The following RPS6KC1 variants were observed in gnomAD, a reference collection of about 807,000 sequenced individuals.
RPS6KC1 encodes ribosomal protein S6 kinase C1.
RPS6KC1 carries 54 observed loss-of-function variants against 103.8 expected under a neutral mutation model. The observed-to-expected ratio is 0.52, with a 90% CI of 0.42 to 0.65. The LOEUF (loss-of-function observed/expected upper bound fraction) is 0.65, where lower values mean the gene tolerates loss of function less well. Ranked by LOEUF, RPS6KC1 falls within the 30% of genes least tolerant of loss-of-function variation. The pLI is 0.00. For missense variants in RPS6KC1, 1,151 were observed against 1,253.8 expected (o/e 0.92, Z 1.24); for synonymous variants, 439 against 438.7 (o/e 1.00, Z -0.01).
intron 12 of RPS6KC1, among the ~76,000 whole-genome samples, chr1:213,244,547 G>A (rs1434185685): frequency 6.6e-6 from 1 of 151,910 alleles, no homozygotes; most frequent in Non-Finnish European, 1.5e-5. Flanking sequence ...GAACATTCTA[G>A]CAGATTATTT....
At chr1:213,607,368 T>A in the RPS6KC1 span, among the ~76,000 whole-genome samples, 1 of 152,196 alleles carries the variant, frequency 6.6e-6, no homozygotes, top group Non-Finnish European at 1.5e-5. Flanking sequence ...TTGGATATCT[T>A]GTGTAATTTT....
the RPS6KC1 span, among the ~76,000 whole-genome samples, chr1:213,289,241 G>T: frequency 9.1e-6 from 1 of 110,366 alleles, no homozygotes; most frequent in Non-Finnish European, 1.7e-5. Flanking sequence ...TTAATCTGGG[G>T]AGTTGGATGC....
At chr1:213,635,079 T>C in the RPS6KC1 span, among the ~76,000 whole-genome samples, 5 of 152,040 alleles carry the variant, frequency 3.3e-5, no homozygotes, top group African/African-American at 4.8e-5. Flanking sequence ...CAGGAAGAAA[T>C]TGAATCTCTG....
chr1:213,574,586 C>T, the RPS6KC1 span, among the ~76,000 whole-genome samples: 7 of 152,078 alleles, frequency 4.6e-5, no homozygotes, highest in Admixed American at 2.0e-4. Flanking sequence ...AGAATTCTTA[C>T]GTGAAACATT....
the RPS6KC1 span, among the ~76,000 whole-genome samples, chr1:213,673,512 G>T: frequency 6.6e-6 from 1 of 152,314 alleles, no homozygotes; most frequent in South Asian, 2.1e-4. Context: ...ATCCCTGACA[G>T]GTGTGATCCC....
At chr1:213,391,693 A>G in the RPS6KC1 span, among the ~76,000 whole-genome samples, 2 of 152,250 alleles carry the variant, frequency 1.3e-5, no homozygotes, top group African/African-American at 2.4e-5. Context: ...AGGTAGAATC[A>G]TAGCACCTAT....
the RPS6KC1 span, among the ~76,000 whole-genome samples, chr1:213,344,058 C>A: frequency 6.6e-6 from 1 of 152,074 alleles, no homozygotes; most frequent in Non-Finnish European, 1.5e-5. Context: ...TCCCACATAG[C>A]TTTTCTAAAC....
chr1:213,584,315 A>G, the RPS6KC1 span, among the ~76,000 whole-genome samples: 1 of 152,216 alleles, frequency 6.6e-6, no homozygotes, highest in Non-Finnish European at 1.5e-5. Context: ...AATACACATC[A>G]TTAACAAGCA....
At chr1:213,781,581 A>C in the RPS6KC1 span, among the ~76,000 whole-genome samples, 1 of 152,232 alleles carries the variant, frequency 6.6e-6, no homozygotes, top group African/African-American at 2.4e-5. Context: ...ATCCGTTAAG[A>C]GAATGGGAAG....
chr1:213,600,290 C>T, the RPS6KC1 span, among the ~76,000 whole-genome samples: 1 of 152,166 alleles, frequency 6.6e-6, no homozygotes, highest in African/African-American at 2.4e-5. Flanking sequence ...TCCCAGGCCT[C>T]ATCTCAGAAG....
At chr1:213,330,324 C>T in the RPS6KC1 span, among the ~76,000 whole-genome samples, 1 of 152,180 alleles carries the variant, frequency 6.6e-6, no homozygotes, top group Non-Finnish European at 1.5e-5. Flanking sequence ...TTCTTTAGCA[C>T]AAATACACAT....
At chr1:213,686,576 G>A in the RPS6KC1 span, among the ~76,000 whole-genome samples, 1 of 152,146 alleles carries the variant, frequency 6.6e-6, no homozygotes, top group Admixed American at 6.5e-5. Flanking sequence ...GCACTTATCT[G>A]TGCTAGACCC....
the RPS6KC1 span, among the ~76,000 whole-genome samples, chr1:213,367,794 T>C: frequency 6.7e-6 from 1 of 150,062 alleles, no homozygotes; most frequent in South Asian, 2.1e-4. Context: ...ATTGAAACTC[T>C]AACTGGCTTA....
At chr1:213,279,483 G>A (rs1197912537), downstream of RPS6KC1, among the ~76,000 whole-genome samples, 1 of 152,154 alleles carries the variant, frequency 6.6e-6, no homozygotes, top group Non-Finnish European at 1.5e-5. Flanking sequence ...GGTTGATAAT[G>A]ATATTCACTA....
the RPS6KC1 span, among the ~76,000 whole-genome samples, chr1:213,811,868 AG>A: frequency 6.6e-6 from 1 of 152,258 alleles, no homozygotes; most frequent in South Asian, 2.1e-4. Context: ...TGGTATAAAC[AG>A]TTATGTCATA....
At chr1:213,201,566 C>G (rs2093164750) in intron 8 of RPS6KC1, among the ~76,000 whole-genome samples, 1 of 152,062 alleles carries the variant, frequency 6.6e-6, no homozygotes, top group East Asian at 1.9e-4. Context: ...AGATAGAACC[C>G]TAATAGAAAC....
At chr1:213,275,175 G>A (rs2095109532), downstream of RPS6KC1, among the ~76,000 whole-genome samples, 1 of 152,136 alleles carries the variant, frequency 6.6e-6, no homozygotes, top group South Asian at 2.1e-4. Context: ...TCCATCATAT[G>A]TATTACCACA....
At chr1:213,632,942 G>A in the RPS6KC1 span, among the ~76,000 whole-genome samples, 2 of 152,130 alleles carry the variant, frequency 1.3e-5, no homozygotes, top group African/African-American at 2.4e-5. Context: ...GGAAGAAAGG[G>A]TATCAGTGAT....
the RPS6KC1 span, among the ~76,000 whole-genome samples, chr1:213,497,926 T>G: frequency 1.3e-5 from 2 of 152,054 alleles, no homozygotes; most frequent in African/African-American, 4.8e-5. Context: ...AATTCCGTGC[T>G]AATAATTACA....
Sources: allele counts gnomAD v4.1 joint callset (sites outside exome capture counted in the v4.1 genomes callset), GRCh38; gene constraint gnomAD v4.1.1; transcripts MANE v1.5; gene names NCBI Gene and HGNC (gene_info 2026-07-23, HGNC 2026-07-21).